ZNF716: variants seen among roughly 807,000 people sequenced by gnomAD.
ZNF716 encodes zinc finger protein 716.
A neutral mutation model predicts 13.4 loss-of-function variants in ZNF716; 9 were observed. The observed-to-expected ratio is 0.67, with a 90% CI of 0.41 to 1.18. The LOEUF (loss-of-function observed/expected upper bound fraction) is 1.18, where lower values mean the gene tolerates loss of function less well. ZNF716 is among the 50% of genes most tolerant of loss of function. The probability of loss-of-function intolerance (pLI) is 0.01; values close to 1 mark genes in which losing one functional copy is unlikely to be tolerated. For missense variants in ZNF716, 581 were observed against 576.6 expected, an observed-to-expected ratio of 1.01 and a Z score of -0.08; for synonymous variants, 186 against 195.2, an observed-to-expected ratio of 0.95 and a Z score of 0.39.
intron 3 of ZNF716, among the ~76,000 whole-genome samples, chr7:57,465,357 A>ATT (rs782434763): frequency 2.7e-5 from 4 of 146,942 alleles, no homozygotes; most frequent in African/African-American, 9.9e-5. Flanking sequence ...CTCTTCTTAC[A>ATT]TTTTTTTTTT....
rs782158734 is a variant in ZNF716, at chr7:57,463,181, G to T, written c.262+13G>T. ...GCCAAACACCCAGGTAGGTGAGAGC[G>T]AATGAAGCAGATGACACAGATGAGA... On this transcript the variant is annotated intron_variant, in intron 3 of 3. Transcript: ENST00000420713. The T allele has an allele frequency of 2.5e-6, 4 of 1,605,430 alleles. No individual in the cohort carries two copies. Among genetic ancestry groups the T allele is most frequent in the South Asian group, 1.1e-5 (1 of 90,990 alleles).
chr7:57,454,942 C>T (rs1450802753), intron 1 of ZNF716, among the ~76,000 whole-genome samples: 1 of 151,858 alleles, frequency 6.6e-6, no homozygotes, highest in African/African-American at 2.4e-5. Context: ...AGGAGAATGG[C>T]ATGAACCCAG....
At chr7:57,458,468 A>T (rs1789644091) in intron 1 of ZNF716, among the ~76,000 whole-genome samples, 1 of 149,480 alleles carries the variant, frequency 6.7e-6, no homozygotes, top group African/African-American at 2.5e-5. Flanking sequence ...TTTCGTCCAG[A>T]CTGGAGTACA....
At position 57,471,205 on chromosome 7, in the gene ZNF716, A is replaced by T. The variant is rs1789929326; in HGVS notation, c.*1256A>T. On this transcript the variant is annotated 3_prime_UTR_variant, in exon 4 of 4. Coordinates refer to ENST00000420713, the MANE Select transcript of ZNF716 (RefSeq NM_001159279.1). ...CTCATGGCAGGTGGATCATGAGGTC[A>T]GGAGTTCAAGACCAGCCTGGCTAAC... 1.3e-5 allele frequency: 2 copies of T among 152,172 alleles called. No individual in the cohort carries two copies. 9.4% of individuals were successfully genotyped at this position (152,172 alleles called of 1,614,324 possible).
chr7:57,470,157 G>A lies in ZNF716; in HGVS notation c.*208G>A. ...ACCCCTCAAACCTTAATGAACCCAA[G>A]AGAATTTATTTAAAAAAATTTTTTT... On this transcript the variant is annotated 3_prime_UTR_variant, in exon 4 of 4. Transcript: ENST00000420713. 2 of 485,978 alleles carry A rather than the reference G, an allele frequency of 4.1e-6. No homozygotes were observed. The highest frequency in any genetic ancestry group is 3.3e-6 in the Non-Finnish European group (1 of 303,542). 30.1% of individuals were successfully genotyped at this position (485,978 alleles called of 1,614,324 possible).
chr7:57,452,505 G>A (rs939317552), intron 1 of ZNF716, among the ~76,000 whole-genome samples: 10 of 152,128 alleles, frequency 6.6e-5, no homozygotes, highest in African/African-American at 2.4e-4. Flanking sequence ...GGGCGTGGTG[G>A]TGAGTGCCTG....
At chr7:57,467,538 GT>G (rs11413790) in intron 3 of ZNF716, among the ~76,000 whole-genome samples, 2 of 151,694 alleles carry the variant, frequency 1.3e-5, no homozygotes, top group African/African-American at 2.4e-5. Flanking sequence ...CATTTTGCAC[GT>G]TTTTTTCTGA....
intron 3 of ZNF716, among the ~76,000 whole-genome samples, chr7:57,465,255 G>A (rs1789784258): frequency 6.6e-6 from 1 of 152,146 alleles, no homozygotes; most frequent in Non-Finnish European, 1.5e-5. Context: ...ACATTGAAGA[G>A]TGTGTTTATT....
At chr7:57,459,918 C>A (rs113015671) in intron 1 of ZNF716, among the ~76,000 whole-genome samples, 2 of 152,108 alleles carry the variant, frequency 1.3e-5, no homozygotes, top group African/African-American at 4.8e-5. Context: ...AAGTCTCGGT[C>A]TTTCTGCCCG....
chr7:57,462,312 A>G, intron 1 of ZNF716, 148 bp from the exon 2 acceptor site: 2 of 838,136 alleles, frequency 2.4e-6, no homozygotes, highest in Non-Finnish European at 3.8e-6. Flanking sequence ...ATCTTAATGA[A>G]TAATTTTAGT....
chr7:57,469,527 G>T lies in ZNF716; in HGVS notation c.1066G>T (p.Glu356Ter). 4 of 1,610,658 alleles carry T rather than the reference G, an allele frequency of 2.5e-6. No homozygotes were observed. The highest frequency in any genetic ancestry group is 3.4e-6 in the Non-Finnish European group (4 of 1,178,246). Reference protein sequence around the residue: ...HTGEKLYTCEECGKAFTFSST... With the variant: ...HTGEKLYTCE ...TGGGGAGAAACTCTACACATGTGAA[G>T]AATGTGGGAAAGCCTTTACCTTCTC... Residue 356 changes from glutamate (E) to a stop codon, truncating the protein, a stop_gained, in exon 4 of 4, where the codon GAA becomes TAA. Transcript: ENST00000420713. LOFTEE classifies it low-confidence loss of function (END_TRUNC).
At chr7:57,452,306 G>GAA (rs138118409) in intron 1 of ZNF716, among the ~76,000 whole-genome samples, 5,415 of 151,804 alleles carry the variant, frequency 0.036, 307 homozygotes, top group East Asian at 0.24. Context: ...TGTCAAATGG[G>GAA]AAAAAAAGTT....
At chr7:57,450,455 C>G in intron 1 of ZNF716, 128 bp downstream of exon 1, 3 of 1,527,310 alleles carry the variant, frequency 2.0e-6, no homozygotes, top group Non-Finnish European at 2.7e-6. Flanking sequence ...TCCTCCTTGT[C>G]CCAGCTCGGC....
At position 57,469,907 on chromosome 7, in the gene ZNF716, T is replaced by G; in HGVS notation, c.1446T>G (p.His482Gln). ...AGTGGCATTCAAGTCTTGCTAATCATAAGAATATGCATACTGGAGAGAAAC... is the reference window on the plus strand; with the variant it reads ...AGTGGCATTCAAGTCTTGCTAATCAGAAGAATATGCATACTGGAGAGAAAC... Reference protein sequence around the residue: ...TFKWHSSLANHKNMHTGEKPY... With the variant: ...TFKWHSSLANQKNMHTGEKPY... Residue 482 changes from histidine to glutamine, a missense_variant, in exon 4 of 4, where the codon CAT becomes CAG. Physicochemically the swap from His to Gln is conservative, Grantham distance 24 (BLOSUM62 0). Coordinates refer to ENST00000420713, the MANE Select transcript of ZNF716 (RefSeq NM_001159279.1). 1 of 1,582,552 alleles carries G rather than the reference T, an allele frequency of 6.3e-7. No homozygotes were observed. Among genetic ancestry groups the G allele is most frequent in the Non-Finnish European group, 8.6e-7 (1 of 1,163,406 alleles).
At chr7:57,450,376 A>T in intron 1 of ZNF716, 49 bp downstream of exon 1, 1 of 1,613,568 alleles carries the variant, frequency 6.2e-7, no homozygotes. Flanking sequence ...GCTGGTTGGA[A>T]CTGACTGAAA....
chr7:57,462,121 A>T (rs1355306685), intron 1 of ZNF716, among the ~76,000 whole-genome samples: 1 of 151,578 alleles, frequency 6.6e-6, no homozygotes, highest in Non-Finnish European at 1.5e-5. Context: ...TTATCACGCC[A>T]CTGCACTCCA....
rs1789885053 is a variant in ZNF716 at position 57,469,572 on chromosome 7, AAG to A, written c.1114_1115del (p.Arg372AspfsTer11). 1 of 1,612,668 alleles carries A rather than the reference AAG, an allele frequency of 6.2e-7. No homozygotes were observed. Among genetic ancestry groups the A allele is most frequent in the Non-Finnish European group, 8.5e-7 (1 of 1,179,386 alleles). ...FTFSSTLNTH[K>X]RIHTGEKPYT... Reference sequence around the variant, plus strand: ...CTTCTCCTCAACTCTAAATACTCATAAGAGGATTCATACTGGAGAGAAACCCT... The same window carrying A: ...CTTCTCCTCAACTCTAAATACTCATAAGGATTCATACTGGAGAGAAACCCT... On this transcript the variant is annotated frameshift_variant, in exon 4 of 4. Transcript: ENST00000420713. LOFTEE classifies it low-confidence loss of function (END_TRUNC).
rs1789945202 is a variant in ZNF716, at chr7:57,471,917, C to T, written c.*1968C>T. The T allele has an allele frequency of 6.6e-6, 1 of 152,106 alleles. No homozygotes were observed. The highest frequency in any genetic ancestry group is 2.4e-5 in the African/African-American group (1 of 41,418). 9.4% of individuals were successfully genotyped at this position (152,106 alleles called of 1,614,324 possible). A position where few individuals can be genotyped will look rare whatever the true frequency, so the allele number is the denominator to read the frequency against. On this transcript the variant is annotated 3_prime_UTR_variant, in exon 4 of 4. Transcript: ENST00000420713. The stretch of plus-strand genomic sequence containing the variant: ...AGATTTATTTGGAGATTTATAATTA[C>T]ATTCGAGGTATGCTTCTTTCTTTGT...
chr7:57,463,246 G>A (rs1216632558), intron 3 of ZNF716, 78 bp downstream of exon 3: 5 of 1,572,584 alleles, frequency 3.2e-6, no homozygotes, highest in Non-Finnish European at 4.3e-6. Flanking sequence ...TTAAAATGTG[G>A]TCTGGGGAGC....
Sources: allele counts gnomAD v4.1 joint callset (sites outside exome capture counted in the v4.1 genomes callset), GRCh38; gene constraint gnomAD v4.1.1; transcripts MANE v1.5; gene names NCBI Gene and HGNC (gene_info 2026-07-23, HGNC 2026-07-21).